NRP2: variants seen among roughly 807,000 people sequenced by gnomAD.
The protein encoded by NRP2 is neuropilin 2.
A neutral mutation model predicts 110.4 loss-of-function variants in NRP2; 52 were observed. The observed-to-expected ratio is 0.47, with a 90% CI of 0.38 to 0.59. The LOEUF is 0.59. Among genes scored for constraint, NRP2 ranks in the 20% least tolerant of loss-of-function variants. The pLI, the probability that NRP2 is intolerant of heterozygous loss-of-function variation, is 0.00. For synonymous variants in NRP2, 508 were observed against 468.9 expected (o/e 1.08, Z -1.08); for missense variants, 1,049 against 1,203.0 (o/e 0.87, Z 1.89).
chr2:205,788,883 G>A lies in NRP2; in HGVS notation c.2426-3352G>A, dbSNP rs114105798. On this transcript the variant is annotated intron_variant, in intron 15 of 16. Coordinates refer to ENST00000357785, the MANE Select transcript of NRP2 (RefSeq NM_003872.3). ...TCAGTTTGTTTCCTGGGCATGCAGT[G>A]AGCCCTCTTACTAAGTGGTGTTAGG... is the stretch of plus-strand genomic sequence containing the variant. Among the ~76,000 whole-genome samples, 746 of 152,336 alleles carry A rather than the reference G, an allele frequency of 4.9e-3. 10 individuals are homozygous for A. Among genetic ancestry groups the A allele is most frequent in the African/African-American group, 0.017 (705 of 41,568 alleles).
intron 1 of NRP2, among the ~76,000 whole-genome samples, chr2:205,695,152 A>G (rs570792579): frequency 3.3e-5 from 5 of 152,242 alleles, no homozygotes; most frequent in Non-Finnish European, 7.3e-5. Context: ...TGTTCTAATG[A>G]GTTCTCTGAT....
At chr2:205,792,713 C>G (rs1286817303) in intron 16 of NRP2, among the ~76,000 whole-genome samples, 1 of 152,164 alleles carries the variant, frequency 6.6e-6, no homozygotes, top group Admixed American at 6.5e-5. Context: ...GGAAACCTTC[C>G]TCACACTATT....
At chr2:205,746,042 G>A (rs772035807) in intron 10 of NRP2, 152 bp downstream of exon 10, 123 of 821,368 alleles carry the variant, frequency 1.5e-4, no homozygotes, top group Non-Finnish European at 2.2e-4. Context: ...CTCAGACCAC[G>A]GGTACTGCAG....
chr2:205,704,820 G>A (rs1414620190), intron 2 of NRP2, among the ~76,000 whole-genome samples: 4 of 152,126 alleles, frequency 2.6e-5, no homozygotes, highest in Non-Finnish European at 4.4e-5. Context: ...CACTTGTTCT[G>A]CCTCTCCACC....
rs1366364250 is a variant in NRP2 at position 205,797,648 on chromosome 2, A to G, written c.*2590A>G. The G allele has an allele frequency of 6.6e-6, 1 of 152,598 alleles. No homozygotes were observed. Among genetic ancestry groups the G allele is most frequent in the Non-Finnish European group, 1.5e-5 (1 of 68,048 alleles). 9.5% of individuals were successfully genotyped at this position (152,598 alleles called of 1,614,324 possible). On this transcript the variant is annotated 3_prime_UTR_variant, in exon 17 of 17. Transcript: ENST00000357785. ...GACAGAAAGAAAGACGCTGGGCCCA[A>G]TTTTGACTTGGCCAGGGGACACCTT... is the stretch of plus-strand genomic sequence containing the variant.
chr2:205,683,966 G>A (rs2056081438), intron 1 of NRP2, among the ~76,000 whole-genome samples: 1 of 152,172 alleles, frequency 6.6e-6, no homozygotes, highest in African/African-American at 2.4e-5. Context: ...CAACCAAGAC[G>A]GTTGGTCTCT....
At chr2:205,732,890 C>A (rs2057268024) in intron 7 of NRP2, among the ~76,000 whole-genome samples, 1 of 152,020 alleles carries the variant, frequency 6.6e-6, no homozygotes, top group Non-Finnish European at 1.5e-5. Flanking sequence ...TTAAAAAAAC[C>A]TCCTGGCAGA....
intron 9 of NRP2, among the ~76,000 whole-genome samples, chr2:205,745,191 G>A (rs2057515276): frequency 6.6e-6 from 1 of 152,158 alleles, no homozygotes; most frequent in African/African-American, 2.4e-5. Flanking sequence ...CCTAAACAAA[G>A]GTTTGGGAAA....
chr2:205,791,773 T>C (rs1194794663), intron 15 of NRP2, among the ~76,000 whole-genome samples: 2 of 152,224 alleles, frequency 1.3e-5, no homozygotes, highest in African/African-American at 4.8e-5. Context: ...AAGACTTCCT[T>C]AAACTACCAT....
intron 11 of NRP2, 186 bp from the exon 12 acceptor site, chr2:205,752,649 G>A (rs2057667253): frequency 1.6e-6 from 1 of 631,808 alleles, no homozygotes; most frequent in Non-Finnish European, 2.8e-6. Flanking sequence ...TGCCTGGGAA[G>A]GATGAGACCA....
intron 15 of NRP2, chr2:205,776,223 A>T: frequency 6.2e-7 from 1 of 1,605,904 alleles, no homozygotes; most frequent in Non-Finnish European, 8.5e-7. Flanking sequence ...GCCTAGCAAC[A>T]CTCTTCTGTG....
chr2:205,750,970 G>T (rs992594023), intron 11 of NRP2, among the ~76,000 whole-genome samples: 1 of 152,318 alleles, frequency 6.6e-6, no homozygotes, highest in East Asian at 1.9e-4. Context: ...TTTGGGGATT[G>T]TGCTTTCATA....
intron 2 of NRP2, among the ~76,000 whole-genome samples, chr2:205,700,180 G>A (rs1180174588): frequency 2.0e-5 from 3 of 152,218 alleles, no homozygotes; most frequent in Admixed American, 6.5e-5. Flanking sequence ...GTCTTGTTCC[G>A]GCTCTCCCTC....
intron 7 of NRP2, among the ~76,000 whole-genome samples, chr2:205,728,375 T>C (rs903399183): frequency 1.3e-5 from 2 of 152,200 alleles, no homozygotes; most frequent in Non-Finnish European, 2.9e-5. Flanking sequence ...ATTTATGGCC[T>C]GAGTCCCTTC....
chr2:205,796,978 A>G lies in NRP2; in HGVS notation c.*1920A>G, dbSNP rs17387557. 0.025 allele frequency: 3,850 copies of G among 152,776 alleles called. 69 individuals carry two copies. Among genetic ancestry groups the G allele is most frequent in the Middle Eastern group, 0.048 (14 of 294 alleles). 9.5% of individuals were successfully genotyped at this position (152,776 alleles called of 1,614,324 possible). On this transcript the variant is annotated 3_prime_UTR_variant, in exon 17 of 17. Coordinates refer to ENST00000357785, the MANE Select transcript of NRP2 (RefSeq NM_003872.3). ...AAATGCTAGTTCAAATGGTAATGTC[A>G]CAGTGTTTTGTATGCAGAGAGCAAG...
intron 9 of NRP2, among the ~76,000 whole-genome samples, chr2:205,744,012 G>A (rs1216748728): frequency 6.6e-6 from 1 of 152,154 alleles, no homozygotes; most frequent in East Asian, 1.9e-4. Flanking sequence ...TCAAAGTGCT[G>A]GGATTATAGG....
chr2:205,776,893 G>A (rs1028530761), intron 15 of NRP2: 1 of 1,203,866 alleles, frequency 8.3e-7, no homozygotes, highest in Admixed American at 3.6e-5. Context: ...TCAGTGGGCA[G>A]TCTGCCAGGA....
chr2:205,727,211 G>A lies in NRP2; in HGVS notation c.991-680G>A, dbSNP rs946114697. 2.0e-5 allele frequency among the ~76,000 whole-genome samples: 3 copies of A among 152,314 alleles called. No individual in the cohort carries two copies. In the East Asian group the frequency reaches 5.8e-4, roughly 29 times the overall value. On this transcript the variant is annotated intron_variant, in intron 6 of 16. Coordinates refer to ENST00000357785, the MANE Select transcript of NRP2 (RefSeq NM_003872.3). ...GTGCTAGCTACATTTTGGTCATATGGAGACTGCCATTAAGAAACACCATGG... is the reference window on the plus strand; with the variant it reads ...GTGCTAGCTACATTTTGGTCATATGAAGACTGCCATTAAGAAACACCATGG...
chr2:205,791,249 T>G (rs1285186551), intron 15 of NRP2, among the ~76,000 whole-genome samples: 1 of 152,236 alleles, frequency 6.6e-6, no homozygotes, highest in African/African-American at 2.4e-5. Context: ...GATTTCAATT[T>G]ATAGTAGTGA....
Sources: gnomAD v4.1 joint callset for allele counts (sites outside exome capture counted in the v4.1 genomes callset) on GRCh38, gnomAD v4.1.1 for gene constraint, MANE v1.5 for transcripts, NCBI Gene and HGNC (gene_info 2026-07-23, HGNC 2026-07-21) for gene names.